DNMBP: variants seen among roughly 807,000 people sequenced by gnomAD.
DNMBP encodes the protein dynamin binding protein, also known as dynamin-binding protein.
DNMBP carries 87 observed loss-of-function variants against 150.0 expected under a neutral mutation model. That is an observed-to-expected ratio of 0.58 (90% CI 0.49 to 0.69). The LOEUF (loss-of-function observed/expected upper bound fraction) is 0.69. Ranked by LOEUF, DNMBP falls within the 30% of genes least tolerant of loss-of-function variation. The pLI is 0.00. For missense variants in DNMBP, 1,774 were observed against 1,949.0 expected, an observed-to-expected ratio of 0.91 and a Z score of 1.69; for synonymous variants, 711 against 750.4, an observed-to-expected ratio of 0.95 and a Z score of 0.86.
At chr10:99,893,754 G>A (rs1004465585) in intron 11 of DNMBP, among the ~76,000 whole-genome samples, 1 of 152,072 alleles carries the variant, frequency 6.6e-6, no homozygotes, top group Non-Finnish European at 1.5e-5. Flanking sequence ...GCCTCTGTGT[G>A]TATGGCTACA....
Position 99,960,678 on chromosome 10 carries a change from C to T in DNMBP, c.269-3473G>A, listed in dbSNP as rs150581973. 6.7e-3 allele frequency among the ~76,000 whole-genome samples: 1,019 copies of T among 152,122 alleles called. 11 individuals carry two copies. The highest frequency in any genetic ancestry group is 0.023 in the African/African-American group (965 of 41,460). The stretch of plus-strand genomic sequence containing the variant: ...AAAATTAGCCAGGTGGGGGGGTGCA[C>T]GCCTATAACCCCAGCTACTCGAGAG... On this transcript the variant is annotated intron_variant, in intron 3 of 16. Coordinates refer to ENST00000324109, the MANE Select transcript of DNMBP (RefSeq NM_015221.4).
Position 99,884,104 on chromosome 10 carries a change from A to T in DNMBP, c.3904T>A (p.Leu1302Met), listed in dbSNP as rs567734686. Residue 1302 changes from leucine (L) to methionine (M), a missense_variant, in exon 15 of 17, where the codon TTG becomes ATG. Leu to Met is a conservative substitution (Grantham distance 15, BLOSUM62 2). This residue lies in a region of DNMBP where 1,430 missense variants were observed against 1,492.5 expected (regional missense o/e 0.96). Coordinates refer to ENST00000324109, the MANE Select transcript of DNMBP (RefSeq NM_015221.4). ...TCACCTTCCAAAAGTGAGACATCCAAGTCTTGAGCAGCATTGAAGTTCCGT... is the reference window on the plus strand; with the variant it reads ...TCACCTTCCAAAAGTGAGACATCCATGTCTTGAGCAGCATTGAAGTTCCGT... ...AERNFNAAQD[L>M]DVSLLEGDLV... The T allele has an allele frequency of 6.2e-5, 100 of 1,614,134 alleles. No homozygotes were observed. The Middle Eastern group carries it at 8.3e-4, about 13-fold the overall frequency.
At chr10:99,895,083 T>A in intron 10 of DNMBP, 33 bp from the exon 11 acceptor site, 2 of 1,285,572 alleles carry the variant, frequency 1.6e-6, no homozygotes, top group Non-Finnish European at 2.2e-6. Context: ...TGTTAGCAAA[T>A]CTGGACACTC....
At chr10:99,913,482 T>C (rs2039925974) in intron 4 of DNMBP, among the ~76,000 whole-genome samples, 2 of 152,136 alleles carry the variant, frequency 1.3e-5, no homozygotes, top group Admixed American at 1.3e-4. Context: ...ACTCTAAAAT[T>C]CCACTTTTCT....
rs2040499836 is a variant in DNMBP at position 99,956,628 on chromosome 10, T to C, written c.846A>G (p.Glu282=). The change falls in exon 4 of 17, where the codon GAA becomes GAG. Residue 282 remains glutamate, a synonymous_variant. Coordinates refer to ENST00000324109, the MANE Select transcript of DNMBP (RefSeq NM_015221.4). ...ILATLEDGWL[E]GSLKGRTGIF... is the part of the protein sequence containing the mutation. Reference sequence around the variant, plus strand: ...TGCCTGTCCTGCCCTTCAGGGATCCTTCCAGCCAGCCATCTTCCAAGGTCG... The same window carrying C: ...TGCCTGTCCTGCCCTTCAGGGATCCCTCCAGCCAGCCATCTTCCAAGGTCG... The C allele has an allele frequency of 6.2e-7, 1 of 1,613,986 alleles. No homozygotes were observed. The highest frequency in any genetic ancestry group is 1.1e-5 in the South Asian group (1 of 91,082).
intron 4 of DNMBP, among the ~76,000 whole-genome samples, chr10:99,923,255 G>A (rs1564733245): frequency 6.6e-6 from 1 of 152,136 alleles, no homozygotes; most frequent in South Asian, 2.1e-4. Flanking sequence ...CAGGTGTGGT[G>A]GCACATGCCT....
chr10:99,911,006 G>A (rs1476600308), intron 4 of DNMBP, among the ~76,000 whole-genome samples: 14 of 152,172 alleles, frequency 9.2e-5, no homozygotes, highest in African/African-American at 3.1e-4. Flanking sequence ...TTGGGAGGCC[G>A]AGGTGGGTAG....
chr10:99,954,974 G>A (rs2040466944), intron 4 of DNMBP, among the ~76,000 whole-genome samples: 1 of 149,646 alleles, frequency 6.7e-6, no homozygotes, highest in African/African-American at 2.5e-5. Flanking sequence ...AATCACTTGA[G>A]CCCAGGAGGT....
chr10:99,975,908 C>A (rs926021400), intron 1 of DNMBP, among the ~76,000 whole-genome samples: 11 of 152,170 alleles, frequency 7.2e-5, no homozygotes, highest in Non-Finnish European at 2.9e-5. Context: ...TTCCTAGGTA[C>A]ATGCATTTAC....
chr10:99,892,920 TA>T (rs1482476941), intron 11 of DNMBP, among the ~76,000 whole-genome samples: 5 of 152,014 alleles, frequency 3.3e-5, no homozygotes, highest in African/African-American at 9.7e-5. Context: ...TAAACTGAGG[TA>T]GGGGGAGGAC....
At chr10:99,968,821 C>A (rs1383573124) in intron 3 of DNMBP, among the ~76,000 whole-genome samples, 1 of 152,038 alleles carries the variant, frequency 6.6e-6, no homozygotes. Context: ...CACCTTCGGC[C>A]AACAGTCTTT....
chr10:100,003,296 G>C (rs1201324886), intron 1 of DNMBP, among the ~76,000 whole-genome samples: 3 of 152,178 alleles, frequency 2.0e-5, no homozygotes, highest in South Asian at 4.1e-4. Context: ...ACAGTGAGCA[G>C]AGATCGAGCC....
chr10:99,881,717 C>G (rs1265412794), intron 15 of DNMBP, among the ~76,000 whole-genome samples: 1 of 152,226 alleles, frequency 6.6e-6, no homozygotes, highest in Non-Finnish European at 1.5e-5. Flanking sequence ...TAGCTGTCAC[C>G]TGATGTCACC....
Position 99,972,134 on chromosome 10 carries a change from C to T in DNMBP, c.-10G>A, listed in dbSNP as rs2040685087. The stretch of plus-strand genomic sequence containing the variant: ...CTGAGCCAGCCTCCATGTTTTATAA[C>T]CTGGAAAGATAGATCAAGAGAAATA... On this transcript the variant is annotated splice_region_variant and 5_prime_UTR_variant, in exon 2 of 17. Coordinates refer to ENST00000324109, the MANE Select transcript of DNMBP (RefSeq NM_015221.4). 7 of 1,608,806 alleles carry T rather than the reference C, an allele frequency of 4.4e-6. No homozygotes were observed. The highest frequency in any genetic ancestry group is 5.1e-6 in the Non-Finnish European group (6 of 1,178,528).
chr10:99,936,655 T>C (rs1331851928), intron 4 of DNMBP, among the ~76,000 whole-genome samples: 1 of 152,114 alleles, frequency 6.6e-6, no homozygotes, highest in Admixed American at 6.6e-5. Context: ...CCTCAAATAC[T>C]TGATGTGCTA....
Position 99,955,715 on chromosome 10 carries a change from CCTT to C in DNMBP, c.1756_1758del (p.Lys586del). 1 of 1,614,216 alleles carries C rather than the reference CCTT, an allele frequency of 6.2e-7. No homozygotes were observed. The highest frequency in any genetic ancestry group is 2.2e-5 in the East Asian group (1 of 44,884). Reference sequence around the variant, plus strand: ...AACTTTGAGGAACCTCGGACAATATCCTTCTCAGAGTTAAAGTCCATGATTGAA... The same window carrying C: ...AACTTTGAGGAACCTCGGACAATATCCTCAGAGTTAAAGTCCATGATTGAA... On this transcript the variant is annotated inframe_deletion, in exon 4 of 17. Coordinates refer to ENST00000324109, the MANE Select transcript of DNMBP (RefSeq NM_015221.4).
chr10:100,001,233 TAAAAAAAAAAAAAAAAAAAAAAAA>T (rs71009800), intron 1 of DNMBP, among the ~76,000 whole-genome samples: 69 of 21,732 alleles, frequency 3.2e-3, no homozygotes, highest in Admixed American at 0.013. Context: ...TCCGTCTCAT[TAAAAAAAAAAAAAAAAAAAAAAAA>T]AAAAAAAAAA....
intron 4 of DNMBP, chr10:99,929,802 C>T (rs1195295191): frequency 5.7e-6 from 4 of 702,850 alleles, no homozygotes; most frequent in Admixed American, 2.0e-5. Context: ...TCCCCTGGTA[C>T]ACTGAGTCTG....
At position 99,900,047 on chromosome 10, in the gene DNMBP, G is replaced by C; in HGVS notation, c.2574C>G (p.His858Gln). The C allele has an allele frequency of 6.2e-7, 1 of 1,614,048 alleles. No individual in the cohort carries two copies. Among genetic ancestry groups the C allele is most frequent in the South Asian group, 1.1e-5 (1 of 91,064 alleles). The change falls in exon 7 of 17, where the codon CAC becomes CAG. Residue 858 changes from histidine to glutamine, a missense_variant. His to Gln is a conservative substitution (Grantham distance 24). This residue lies in a region of DNMBP where 1,430 missense variants were observed against 1,492.5 expected (regional missense o/e 0.96). Transcript: ENST00000324109. The stretch of plus-strand genomic sequence containing the variant: ...TGTATGTTCCCTCAAGCTCATCCCG[G>C]TGACCAAGAAACACAGGTCCTTTGG... ...SDAVGPVFLG[H>Q]RDELEGTYKI...
Sources: allele counts gnomAD v4.1 joint callset (sites outside exome capture counted in the v4.1 genomes callset), GRCh38; gene constraint gnomAD v4.1.1; regional missense constraint gnomAD v4.1.1; transcripts MANE v1.5; gene names NCBI Gene and HGNC (gene_info 2026-07-23, HGNC 2026-07-21).